The following IL1RAPL1 variants were observed in gnomAD, a reference collection of about 807,000 sequenced individuals.
The protein encoded by IL1RAPL1 is interleukin-1 receptor accessory protein-like 1.
Under a neutral mutation model 48.4 loss-of-function variants are expected in IL1RAPL1, and 3 were observed. The ratio of observed to expected loss-of-function variants is 0.06; its 90% CI spans 0.03 to 0.16. IL1RAPL1 has a LOEUF of 0.16. IL1RAPL1 is among the 10% of genes least tolerant of loss of function. The probability of loss-of-function intolerance (pLI) is 1.00; values close to 1 mark genes in which losing one functional copy is unlikely to be tolerated. For missense variants in IL1RAPL1, 349 were observed against 530.6 expected, an observed-to-expected ratio of 0.66 and a Z score of 3.36; for synonymous variants, 185 against 187.7, an observed-to-expected ratio of 0.99 and a Z score of 0.12.
chrX:29,134,924 T>C (rs1602073284), intron 2 of IL1RAPL1, among the ~76,000 whole-genome samples: 1 of 112,196 alleles, frequency 8.9e-6, no homozygotes. Flanking sequence ...CTCTCCCATT[T>C]ACTTTTTCTA....
At chrX:28,939,172 C>G (rs1462279836) in intron 2 of IL1RAPL1, among the ~76,000 whole-genome samples, 1 of 110,984 alleles carries the variant, frequency 9.0e-6, no homozygotes, top group African/African-American at 3.3e-5. Context: ...CTCAGCAATT[C>G]CATTACTGGG....
At position 29,802,807 on chromosome X, in the gene IL1RAPL1, ATATGTG is replaced by A. The variant is rs1569172831; in HGVS notation, c.779-114655_779-114650del. Among the ~76,000 whole-genome samples the A allele has an allele frequency of 2.2e-3, 120 of 54,628 alleles. 2 individuals carry two copies. The highest frequency in any genetic ancestry group is 3.1e-3 in the Non-Finnish European group (107 of 34,224). The allele number at this position is 54,628 out of a possible 115,157, so 47.4% of individuals were successfully genotyped here. A position where few individuals can be genotyped will look rare whatever the true frequency, so the allele number is the denominator to read the frequency against. ...TGTGTGTGTGTATATATATATATATATATGTGTGTATATATATGTATACATATATGT... is the reference window on the plus strand; with the variant it reads ...TGTGTGTGTGTATATATATATATATATGTATATATATGTATACATATATGT... On this transcript the variant is annotated intron_variant, in intron 6 of 10. Transcript: ENST00000378993.
intron 2 of IL1RAPL1, among the ~76,000 whole-genome samples, chrX:28,918,551 G>A (rs1326080691): frequency 3.6e-5 from 4 of 112,123 alleles, no homozygotes; most frequent in Non-Finnish European, 7.5e-5. Context: ...TCAACAAGTT[G>A]GAGGACTGAT....
rs895742931 is a variant in IL1RAPL1 at position 29,308,700 on chromosome X, T to A, written c.362+25483T>A. On this transcript the variant is annotated intron_variant, in intron 3 of 10. Transcript: ENST00000378993. The stretch of plus-strand genomic sequence containing the variant: ...TACCCGTATATTGCAAAATTCTAAT[T>A]TCTTAAGGATCTGTCCTTGACTTCA... Among the ~76,000 whole-genome samples, 3 of 112,414 alleles carry A rather than the reference T, an allele frequency of 2.7e-5. No homozygotes were observed. The East Asian group carries it at 8.4e-4, about 31-fold the overall frequency.
Position 28,994,941 on chromosome X carries a change from G to T in IL1RAPL1, c.82+205516G>T, listed in dbSNP as rs1350224886. Among the ~76,000 whole-genome samples the T allele has an allele frequency of 8.1e-5, 9 of 111,667 alleles. No homozygotes were observed. In the East Asian group the frequency reaches 2.2e-3, roughly 28 times the overall value. ...ACAAAATGCAGAAGACTGTATTTAA[G>T]ATGATTTCTAGTTCATGTTATTATG... On this transcript the variant is annotated intron_variant, in intron 2 of 10. Transcript: ENST00000378993.
At chrX:28,908,928 G>C (rs1923289876) in intron 2 of IL1RAPL1, among the ~76,000 whole-genome samples, 1 of 111,257 alleles carries the variant, frequency 9.0e-6, no homozygotes, top group South Asian at 3.7e-4. Flanking sequence ...ACCCTTTTTT[G>C]TTATGTAGCG....
chrX:29,217,057 G>A (rs111973163), intron 2 of IL1RAPL1, among the ~76,000 whole-genome samples: 12 of 111,655 alleles, frequency 1.1e-4, no homozygotes, highest in South Asian at 3.8e-4. Flanking sequence ...AATTGCCTAC[G>A]TGACTAGCTA....
At chrX:28,871,160 G>GAA (rs1438338488) in intron 2 of IL1RAPL1, among the ~76,000 whole-genome samples, 4 of 112,008 alleles carry the variant, frequency 3.6e-5, no homozygotes, top group African/African-American at 1.3e-4. Context: ...GCCGGTAAGA[G>GAA]AAAAGCAGCT....
chrX:29,767,789 T>A (rs1194265641), intron 6 of IL1RAPL1, among the ~76,000 whole-genome samples: 1 of 111,848 alleles, frequency 8.9e-6, no homozygotes, highest in East Asian at 2.8e-4. Flanking sequence ...ACTTCTGGTA[T>A]CTGATCTTGT....
chrX:28,760,910 A>G (rs935129213), intron 1 of IL1RAPL1, among the ~76,000 whole-genome samples: 24 of 109,354 alleles, frequency 2.2e-4, no homozygotes, highest in African/African-American at 7.7e-4. Context: ...ATATGGTGAA[A>G]CCCCATCTCT....
chrX:29,533,152 A>C (rs1489896633), intron 5 of IL1RAPL1, among the ~76,000 whole-genome samples: 1 of 112,449 alleles, frequency 8.9e-6, no homozygotes, highest in African/African-American at 3.2e-5. Context: ...TAAAGTACAC[A>C]GCACACTGTT....
At chrX:28,712,596 A>T (rs942638338) in intron 1 of IL1RAPL1, among the ~76,000 whole-genome samples, 1 of 111,646 alleles carries the variant, frequency 9.0e-6, no homozygotes, top group East Asian at 2.8e-4. Context: ...TGTCTTGAAG[A>T]AGAGTAGTAT....
At chrX:29,494,040 A>G (rs1270315223) in intron 5 of IL1RAPL1, among the ~76,000 whole-genome samples, 2 of 109,069 alleles carry the variant, frequency 1.8e-5, no homozygotes, top group African/African-American at 6.7e-5. Context: ...GACTACAGGC[A>G]CGCACCATCA....
chrX:29,211,385 G>A (rs1602114086), intron 2 of IL1RAPL1, among the ~76,000 whole-genome samples: 1 of 111,783 alleles, frequency 8.9e-6, no homozygotes, highest in East Asian at 2.8e-4. Context: ...TTGCTTACTT[G>A]GCCATGGGTG....
intron 8 of IL1RAPL1, among the ~76,000 whole-genome samples, chrX:29,931,991 A>G (rs1007725352): frequency 1.4e-4 from 16 of 112,541 alleles, no homozygotes; most frequent in African/African-American, 3.9e-4. Flanking sequence ...TCTTTTAGGC[A>G]TCAGTGAAGT....
intron 5 of IL1RAPL1, among the ~76,000 whole-genome samples, chrX:29,634,724 C>T (rs1174473240): frequency 3.6e-5 from 4 of 111,841 alleles, no homozygotes; most frequent in African/African-American, 1.3e-4. Context: ...CATCCTTCTG[C>T]ACACAAAGCT....
chrX:28,870,441 C>T (rs1043870156), intron 2 of IL1RAPL1, among the ~76,000 whole-genome samples: 2 of 111,239 alleles, frequency 1.8e-5, no homozygotes, highest in African/African-American at 6.5e-5. Context: ...TTCTTTTGTG[C>T]TTTGCTTTCA....
At chrX:29,932,793 C>T (rs1011979357) in intron 8 of IL1RAPL1, among the ~76,000 whole-genome samples, 1 of 111,804 alleles carries the variant, frequency 8.9e-6, no homozygotes, top group Non-Finnish European at 1.9e-5. Context: ...TTATTATTAT[C>T]TGCTTACATG....
intron 2 of IL1RAPL1, among the ~76,000 whole-genome samples, chrX:29,031,920 A>T (rs145574108): frequency 9.8e-5 from 11 of 112,022 alleles, no homozygotes; most frequent in African/African-American, 3.2e-4. Flanking sequence ...TATGTCAAAG[A>T]AGGTGATAAT....
Sources: gnomAD v4.1 joint callset for allele counts (sites outside exome capture counted in the v4.1 genomes callset) on GRCh38, gnomAD v4.1.1 for gene constraint, MANE v1.5 for transcripts, NCBI Gene and HGNC (gene_info 2026-07-23, HGNC 2026-07-21) for gene names.